The following TMEM178B variants were observed in gnomAD, a reference collection of about 807,000 sequenced individuals.
TMEM178B encodes transmembrane protein 178B.
A neutral mutation model predicts 31.0 loss-of-function variants in TMEM178B; 5 were observed. The observed-to-expected ratio is 0.16, with a 90% CI of 0.08 to 0.34. The LOEUF (loss-of-function observed/expected upper bound fraction) is 0.34. Ranked by LOEUF, TMEM178B falls within the 10% of genes least tolerant of loss-of-function variation. TMEM178B has a pLI of 1.00. For missense variants in TMEM178B, 275 were observed against 400.3 expected (o/e 0.69, Z 2.67); for synonymous variants, 164 against 164.0 (o/e 1.00, Z 0.00).
intron 1 of TMEM178B, among the ~76,000 whole-genome samples, chr7:141,161,953 A>G (rs1406524390): frequency 1.4e-5 from 1 of 73,936 alleles, no homozygotes. Flanking sequence ...GATTTGTGAG[A>G]GAGCATGAGA....
chr7:141,401,586 TTTA>T (rs976984630), intron 2 of TMEM178B, among the ~76,000 whole-genome samples: 42 of 151,116 alleles, frequency 2.8e-4, no homozygotes, highest in African/African-American at 1.0e-3. Context: ...CAGCTATTTT[TTTA>T]TTTTTTTATT....
chr7:141,361,697 C>G (rs922076811), intron 2 of TMEM178B, among the ~76,000 whole-genome samples: 1 of 152,194 alleles, frequency 6.6e-6, no homozygotes, highest in African/African-American at 2.4e-5. Flanking sequence ...GCCACCATCA[C>G]CCTCTCTTGA....
intron 1 of TMEM178B, among the ~76,000 whole-genome samples, chr7:141,096,986 A>G (rs1794970565): frequency 6.6e-6 from 1 of 151,958 alleles, no homozygotes; most frequent in African/African-American, 2.4e-5. Flanking sequence ...GCTACTCAGG[A>G]GGCTGAGGTG....
chr7:141,145,071 T>C (rs1189978000), intron 1 of TMEM178B, among the ~76,000 whole-genome samples: 1 of 152,184 alleles, frequency 6.6e-6, no homozygotes, highest in Non-Finnish European at 1.5e-5. Context: ...TTTGGTTGCA[T>C]ACTGAGTCAG....
At chr7:141,303,895 C>A (rs936097828) in intron 2 of TMEM178B, among the ~76,000 whole-genome samples, 10 of 152,132 alleles carry the variant, frequency 6.6e-5, no homozygotes, top group African/African-American at 2.4e-4. Flanking sequence ...TCTATGTAAT[C>A]CTTAAAATAA....
At chr7:141,122,149 T>G (rs1007265561) in intron 1 of TMEM178B, among the ~76,000 whole-genome samples, 5 of 152,152 alleles carry the variant, frequency 3.3e-5, no homozygotes, top group Admixed American at 3.3e-4. Context: ...CATAATATAT[T>G]CAAGGTCTTC....
At chr7:141,394,655 C>T (rs915470626) in intron 2 of TMEM178B, among the ~76,000 whole-genome samples, 1 of 152,180 alleles carries the variant, frequency 6.6e-6, no homozygotes, top group Non-Finnish European at 1.5e-5. Context: ...GATACAGTCC[C>T]TGACATAGAT....
intron 1 of TMEM178B, among the ~76,000 whole-genome samples, chr7:141,146,907 C>T (rs1384214186): frequency 6.6e-6 from 1 of 152,200 alleles, no homozygotes; most frequent in Non-Finnish European, 1.5e-5. Context: ...TGGGAAGGCG[C>T]TTGCAGCTGG....
At chr7:141,501,142 G>A in the TMEM178B span, among the ~76,000 whole-genome samples, 4 of 151,978 alleles carry the variant, frequency 2.6e-5, no homozygotes, top group Non-Finnish European at 4.4e-5. Flanking sequence ...TTTGCATTTA[G>A]GAAGTTCACT....
At chr7:141,368,533 T>G (rs1195571328) in intron 2 of TMEM178B, among the ~76,000 whole-genome samples, 1 of 152,240 alleles carries the variant, frequency 6.6e-6, no homozygotes, top group African/African-American at 2.4e-5. Flanking sequence ...ACAAAAATTT[T>G]GCACTGTTAA....
At chr7:141,348,224 C>T (rs1799653226) in intron 2 of TMEM178B, among the ~76,000 whole-genome samples, 1 of 152,150 alleles carries the variant, frequency 6.6e-6, no homozygotes, top group Admixed American at 6.5e-5. Flanking sequence ...TTTCTTTCTA[C>T]TGAAAAATAA....
chr7:141,180,621 A>C (rs965871526), intron 1 of TMEM178B, among the ~76,000 whole-genome samples: 2 of 152,140 alleles, frequency 1.3e-5, no homozygotes, highest in African/African-American at 4.8e-5. Context: ...TTAATGTTTC[A>C]CTTGTAGACT....
intron 1 of TMEM178B, among the ~76,000 whole-genome samples, chr7:141,082,700 C>T (rs1317954714): frequency 3.9e-5 from 6 of 152,298 alleles, no homozygotes; most frequent in African/African-American, 4.8e-5. Context: ...CTCTTTGCTA[C>T]GTGTGGAGGG....
chr7:141,266,722 G>C (rs1029814604), intron 2 of TMEM178B, among the ~76,000 whole-genome samples: 4 of 152,178 alleles, frequency 2.6e-5, no homozygotes, highest in African/African-American at 9.7e-5. Flanking sequence ...CTTGTGTAAC[G>C]CTAAGGCATG....
intron 1 of TMEM178B, among the ~76,000 whole-genome samples, chr7:141,193,821 C>G (rs888905537): frequency 3.9e-5 from 6 of 152,234 alleles, no homozygotes; most frequent in Non-Finnish European, 5.9e-5. Context: ...AGGACCCTGC[C>G]CAGTTCTGGC....
At chr7:141,232,887 G>C (rs965190793) in intron 2 of TMEM178B, among the ~76,000 whole-genome samples, 3 of 152,176 alleles carry the variant, frequency 2.0e-5, no homozygotes, top group African/African-American at 4.8e-5. Context: ...CAGGAGATTA[G>C]TAATGGAGGC....
At chr7:141,204,476 A>T (rs1796930490) in intron 1 of TMEM178B, among the ~76,000 whole-genome samples, 1 of 152,120 alleles carries the variant, frequency 6.6e-6, no homozygotes, top group African/African-American at 2.4e-5. Flanking sequence ...CTTTCCCAGG[A>T]GCGTCCACTG....
At chr7:141,333,904 G>A (rs1441783031) in intron 2 of TMEM178B, among the ~76,000 whole-genome samples, 2 of 152,204 alleles carry the variant, frequency 1.3e-5, no homozygotes, top group Non-Finnish European at 2.9e-5. Flanking sequence ...ATCTAATGGC[G>A]CAGCTGATCT....
intron 2 of TMEM178B, among the ~76,000 whole-genome samples, chr7:141,402,732 C>A (rs1188642689): frequency 2.0e-5 from 3 of 152,242 alleles, no homozygotes; most frequent in African/African-American, 7.2e-5. Context: ...TAATTAGCCC[C>A]CACCAACCTG....
Sources: allele counts gnomAD v4.1 joint callset (sites outside exome capture counted in the v4.1 genomes callset), GRCh38; gene constraint gnomAD v4.1.1; transcripts MANE v1.5; gene names NCBI Gene and HGNC (gene_info 2026-07-23, HGNC 2026-07-21).